Variants in MMS22L observed in about 807,000 individuals in gnomAD.
MMS22L encodes MMS22 like, DNA repair protein.
In MMS22L, 74 loss-of-function variants were observed where a neutral mutation model predicts 159.1. That is an observed-to-expected ratio of 0.47 (90% CI 0.39 to 0.56). The LOEUF is 0.56. Ranked by LOEUF, MMS22L falls within the 20% of genes least tolerant of loss-of-function variation. The probability of loss-of-function intolerance (pLI) is 0.00; values close to 1 mark genes in which losing one functional copy is unlikely to be tolerated. For missense variants in MMS22L, 1,351 were observed against 1,422.1 expected, an observed-to-expected ratio of 0.95 and a Z score of 0.80; for synonymous variants, 517 against 506.9, an observed-to-expected ratio of 1.02 and a Z score of -0.27.
At chr6:97,208,590 G>A (rs1374383271) in intron 14 of MMS22L, among the ~76,000 whole-genome samples, 4 of 152,074 alleles carry the variant, frequency 2.6e-5, no homozygotes, top group South Asian at 2.1e-4. Flanking sequence ...ACTTACACCC[G>A]AAAGGAAATA....
chr6:97,202,331 T>C (rs1562453533), intron 14 of MMS22L, among the ~76,000 whole-genome samples: 1 of 152,166 alleles, frequency 6.6e-6, no homozygotes, highest in Non-Finnish European at 1.5e-5. Flanking sequence ...CCTGGCAACC[T>C]CTCTATCCAC....
chr6:97,233,644 C>T (rs926805175), intron 12 of MMS22L, among the ~76,000 whole-genome samples: 14 of 152,054 alleles, frequency 9.2e-5, no homozygotes, highest in Admixed American at 8.5e-4. Flanking sequence ...TTTACCCTTG[C>T]TCTCAAGAGA....
chr6:97,150,083 G>A (rs1183105304), intron 23 of MMS22L, 63 bp from the exon 24 acceptor site: 10 of 1,370,920 alleles, frequency 7.3e-6, no homozygotes, highest in Middle Eastern at 2.1e-4. Context: ...TGGTATCTAC[G>A]TGGCAATCAA....
In MMS22L at chr6:97,182,090, T is replaced by C. The variant is rs201527312; in HGVS notation, c.2234-36A>G. 8.7e-5 allele frequency: 137 copies of C among 1,579,730 alleles called. 1 individual carries two copies. In the East Asian group the frequency reaches 2.2e-3, roughly 25 times the overall value. On this transcript the variant is annotated intron_variant, in intron 15 of 24. Transcript: ENST00000683635. ...AATGAGAGAAACTTAAAGTCAGGAA[T>C]CTTTAAAAACCATTTCTGACCCACA...
At chr6:97,148,490 G>T (rs1347491785) in intron 24 of MMS22L, among the ~76,000 whole-genome samples, 3 of 152,022 alleles carry the variant, frequency 2.0e-5, no homozygotes, top group African/African-American at 7.2e-5. Context: ...AGAGGTGGAA[G>T]ACAGTGATGT....
chr6:97,222,086 C>CT (rs962856023), intron 14 of MMS22L, among the ~76,000 whole-genome samples: 12 of 151,986 alleles, frequency 7.9e-5, no homozygotes, highest in East Asian at 3.8e-4. Context: ...CTTGTACCTC[C>CT]TTTTTTGCCT....
chr6:97,150,056 G>A, intron 23 of MMS22L, 36 bp from the exon 24 acceptor site: 1 of 1,573,982 alleles, frequency 6.4e-7, no homozygotes, highest in Middle Eastern at 1.8e-4. Context: ...GATTACTCCT[G>A]GGGCAATTCC....
chr6:97,179,323 TATTA>T, intron 17 of MMS22L, 81 bp downstream of exon 17: 1 of 1,165,180 alleles, frequency 8.6e-7, no homozygotes, highest in Non-Finnish European at 1.2e-6. Flanking sequence ...GTATATTTTC[TATTA>T]ATTACATAAC....
chr6:97,243,639 T>C (rs910939863), intron 11 of MMS22L, among the ~76,000 whole-genome samples: 1 of 152,122 alleles, frequency 6.6e-6, no homozygotes, highest in African/African-American at 2.4e-5. Context: ...TGTGATCTTG[T>C]GGGGGTGATA....
At chr6:97,262,187 C>T (rs1345901234) in intron 9 of MMS22L, among the ~76,000 whole-genome samples, 1 of 151,944 alleles carries the variant, frequency 6.6e-6, no homozygotes, top group African/African-American at 2.4e-5. Flanking sequence ...GCCTGAAAGC[C>T]AAAGTTCAAA....
chr6:97,240,177 G>C lies in MMS22L; in HGVS notation c.1183-6197C>G, dbSNP rs569085686. Among the ~76,000 whole-genome samples, 5 of 152,166 alleles carry C rather than the reference G, an allele frequency of 3.3e-5. No individual in the cohort carries two copies. In the East Asian group the frequency reaches 5.8e-4, roughly 18 times the overall value. ...TACCTACTACTGCTCCCACAAAATT[G>C]GTTTCCAGAAATCCAACACATAGTC... is the stretch of plus-strand genomic sequence containing the variant. On this transcript the variant is annotated intron_variant, in intron 11 of 24. Coordinates refer to ENST00000683635, the MANE Select transcript of MMS22L (RefSeq NM_001350599.2).
intron 7 of MMS22L, among the ~76,000 whole-genome samples, chr6:97,268,211 C>G (rs557312264): frequency 6.4e-5 from 9 of 141,478 alleles, no homozygotes; most frequent in African/African-American, 2.1e-4. Flanking sequence ...TTTTTTGAGG[C>G]GAGGTCTCTG....
intron 10 of MMS22L, among the ~76,000 whole-genome samples, chr6:97,250,001 A>G (rs1482364954): frequency 2.0e-5 from 3 of 152,196 alleles, no homozygotes; most frequent in Non-Finnish European, 4.4e-5. Context: ...TTGTGGCTAT[A>G]ATCTAAAACA....
At chr6:97,173,330 T>C (rs1348131903) in intron 18 of MMS22L, 108 bp from the exon 19 acceptor site, 7 of 941,662 alleles carry the variant, frequency 7.4e-6, no homozygotes, top group Non-Finnish European at 1.1e-5. Context: ...CCATACCCTT[T>C]ACATTTAAGC....
chr6:97,220,961 C>CACACTG (rs1207481190), intron 14 of MMS22L, among the ~76,000 whole-genome samples: 2 of 6,506 alleles, frequency 3.1e-4, no homozygotes, highest in Non-Finnish European at 1.1e-3. Flanking sequence ...ACCCCTGACA[C>CACACTG]ACACACACAC....
intron 14 of MMS22L, among the ~76,000 whole-genome samples, chr6:97,198,456 T>C (rs1303713880): frequency 6.6e-6 from 1 of 152,162 alleles, no homozygotes; most frequent in East Asian, 1.9e-4. Flanking sequence ...CTACAGAATC[T>C]GTAAGCATAA....
intron 14 of MMS22L, among the ~76,000 whole-genome samples, chr6:97,193,261 G>A (rs537168252): frequency 1.3e-5 from 2 of 152,198 alleles, no homozygotes; most frequent in Admixed American, 1.3e-4. Context: ...GCAAGACTGG[G>A]AAAGAACAAC....
intron 9 of MMS22L, among the ~76,000 whole-genome samples, chr6:97,262,202 C>T: frequency 6.6e-6 from 1 of 152,104 alleles, no homozygotes; most frequent in East Asian, 1.9e-4. Flanking sequence ...TTCAAATTTA[C>T]ACAATTCAGC....
chr6:97,247,741 A>G (rs1239509315), intron 10 of MMS22L, among the ~76,000 whole-genome samples: 4 of 152,090 alleles, frequency 2.6e-5, no homozygotes, highest in Non-Finnish European at 5.9e-5. Flanking sequence ...AAAAGTAATC[A>G]TAAGACCTCA....
Sources: allele counts gnomAD v4.1 joint callset (sites outside exome capture counted in the v4.1 genomes callset), GRCh38; gene constraint gnomAD v4.1.1; transcripts MANE v1.5; gene names NCBI Gene and HGNC (gene_info 2026-07-23, HGNC 2026-07-21).